Variants in TRAPPC9 observed in about 807,000 individuals in gnomAD.
TRAPPC9 encodes the protein IKK2 binding protein.
A neutral mutation model predicts 124.0 loss-of-function variants in TRAPPC9; 83 were observed. The ratio of observed to expected loss-of-function variants is 0.67; its 90% confidence interval spans 0.56 to 0.80. The LOEUF is 0.80. TRAPPC9 is among the 30% of genes least tolerant of loss of function. TRAPPC9 has a pLI of 0.00. For synonymous variants in TRAPPC9, 638 were observed against 617.5 expected, an observed-to-expected ratio of 1.03 and a Z score of -0.49; for missense variants, 1,302 against 1,508.3, an observed-to-expected ratio of 0.86 and a Z score of 2.27.
chr8:140,056,875 A>T (rs989217199), intron 17 of TRAPPC9, among the ~76,000 whole-genome samples: 1 of 152,224 alleles, frequency 6.6e-6, no homozygotes, highest in Admixed American at 6.5e-5. Context: ...GTGAAAAGGC[A>T]ACCTACAAAA....
At chr8:140,123,022 C>T (rs11777209) in intron 17 of TRAPPC9, among the ~76,000 whole-genome samples, 33,611 of 152,190 alleles carry the variant, frequency 0.22, 4,481 homozygotes, top group Admixed American at 0.32. Context: ...GAGCAAGATG[C>T]ACCCACACAG....
chr8:139,766,901 C>T (rs1194564121), intron 21 of TRAPPC9, among the ~76,000 whole-genome samples: 1 of 152,250 alleles, frequency 6.6e-6, no homozygotes, highest in Non-Finnish European at 1.5e-5. Flanking sequence ...GTCCCGCAGA[C>T]CTGTGGCTAC....
intron 5 of TRAPPC9, among the ~76,000 whole-genome samples, chr8:140,418,559 A>G (rs1305898597): frequency 6.6e-6 from 1 of 152,184 alleles, no homozygotes; most frequent in Non-Finnish European, 1.5e-5. Flanking sequence ...TGTCTCTACT[A>G]AAAATACAAA....
intron 1 of TRAPPC9, among the ~76,000 whole-genome samples, chr8:140,455,557 A>G (rs1014671319): frequency 6.6e-6 from 1 of 151,810 alleles, no homozygotes; most frequent in Non-Finnish European, 1.5e-5. Flanking sequence ...CAGCCTCCCA[A>G]GTAGCTGGGA....
intron 16 of TRAPPC9, among the ~76,000 whole-genome samples, chr8:140,234,028 G>A (rs1405680000): frequency 6.6e-6 from 1 of 152,148 alleles, no homozygotes; most frequent in Non-Finnish European, 1.5e-5. Context: ...TAAATTTAAA[G>A]TAATTAAAAT....
intron 21 of TRAPPC9, among the ~76,000 whole-genome samples, chr8:139,803,493 C>T (rs1823712243): frequency 6.6e-6 from 1 of 152,260 alleles, no homozygotes; most frequent in Non-Finnish European, 1.5e-5. Flanking sequence ...AGGGAAGCCT[C>T]AGGCCCAGCA....
chr8:139,786,016 G>T (rs984437328), intron 21 of TRAPPC9, among the ~76,000 whole-genome samples: 1 of 151,956 alleles, frequency 6.6e-6, no homozygotes, highest in African/African-American at 2.4e-5. Context: ...AGACCAGCCT[G>T]GCCAACATGG....
intron 21 of TRAPPC9, among the ~76,000 whole-genome samples, chr8:139,885,396 GAC>G (rs762840228): frequency 7.6e-4 from 115 of 152,300 alleles, no homozygotes; most frequent in Admixed American, 1.2e-3. Context: ...TTTCCACACA[GAC>G]AGCATGAAAA....
chr8:139,731,365 C>T, intron 22 of TRAPPC9, 137 bp from the exon 23 acceptor site: 5 of 971,236 alleles, frequency 5.1e-6, no homozygotes, highest in Admixed American at 2.0e-5. Flanking sequence ...TCCAGTGCCC[C>T]CTCCAGCAGG....
chr8:140,263,030 A>G (rs1200637968), intron 15 of TRAPPC9, among the ~76,000 whole-genome samples: 1 of 152,198 alleles, frequency 6.6e-6, no homozygotes, highest in African/African-American at 2.4e-5. Flanking sequence ...GTGGCAGAAC[A>G]TTCTGCACTC....
chr8:140,043,466 T>A (rs750817868), intron 17 of TRAPPC9, among the ~76,000 whole-genome samples: 1 of 152,214 alleles, frequency 6.6e-6, no homozygotes, highest in African/African-American at 2.4e-5. Flanking sequence ...TTGTTCTCCA[T>A]TCTTCCTGCT....
chr8:140,104,961 G>T lies in TRAPPC9; in HGVS notation c.2557-80882C>A, dbSNP rs954678632. On this transcript the variant is annotated intron_variant, in intron 17 of 22. Transcript: ENST00000438773. The surrounding 1 kb of genome is among the most constrained non-coding windows in gnomAD (Gnocchi z 4.0). Reference sequence around the variant, plus strand: ...TGTCATCCATGCTGCATCGTGGCAGGGTCCCACTCAGCAGCAGCCCTGACT... The same window carrying T: ...TGTCATCCATGCTGCATCGTGGCAGTGTCCCACTCAGCAGCAGCCCTGACT... Among the ~76,000 whole-genome samples, 1 of 152,164 alleles carries T rather than the reference G, an allele frequency of 6.6e-6. No individual in the cohort carries two copies. The highest frequency in any genetic ancestry group is 1.5e-5 in the Non-Finnish European group (1 of 68,040).
chr8:139,795,582 G>A (rs1241537716), intron 21 of TRAPPC9, among the ~76,000 whole-genome samples: 1 of 152,140 alleles, frequency 6.6e-6, no homozygotes, highest in African/African-American at 2.4e-5. Flanking sequence ...GCGGGGAGAA[G>A]TGAAGTCATC....
At chr8:139,935,396 T>C (rs1201726633) in intron 19 of TRAPPC9, among the ~76,000 whole-genome samples, 2 of 152,188 alleles carry the variant, frequency 1.3e-5, no homozygotes, top group South Asian at 2.1e-4. Context: ...AATTTCCTCA[T>C]CTATAAAATA....
At chr8:140,349,212 A>G (rs1487934306) in intron 9 of TRAPPC9, among the ~76,000 whole-genome samples, 1 of 91,378 alleles carries the variant, frequency 1.1e-5, no homozygotes, top group African/African-American at 4.3e-5. Context: ...GGGCGAGGGA[A>G]GGGCACAGAA....
chr8:139,924,832 C>A (rs1832712387), intron 19 of TRAPPC9, among the ~76,000 whole-genome samples: 1 of 152,242 alleles, frequency 6.6e-6, no homozygotes, highest in Non-Finnish European at 1.5e-5. Context: ...TTACATCTTA[C>A]TCATCTTTTA....
At position 140,009,875 on chromosome 8, in the gene TRAPPC9, G is replaced by A. The variant is rs113791732; in HGVS notation, c.2699+14062C>T. ...TCAACTTTACTCATTGCTGTCTTCAGTGCCTAGGACAGTGCTTCGCAGAAA... is the reference window on the plus strand; with the variant it reads ...TCAACTTTACTCATTGCTGTCTTCAATGCCTAGGACAGTGCTTCGCAGAAA... On this transcript the variant is annotated intron_variant, in intron 18 of 22. Coordinates refer to ENST00000438773, the MANE Select transcript of TRAPPC9 (RefSeq NM_001160372.4). Among the ~76,000 whole-genome samples the A allele has an allele frequency of 1.1e-3, 172 of 152,306 alleles. 3 individuals are homozygous for A. The highest frequency in any genetic ancestry group is 3.5e-3 in the African/African-American group (147 of 41,570).
At chr8:140,163,072 C>T (rs2061777456) in intron 17 of TRAPPC9, among the ~76,000 whole-genome samples, 2 of 152,250 alleles carry the variant, frequency 1.3e-5, no homozygotes, top group South Asian at 4.1e-4. Flanking sequence ...TTTTTAAAAA[C>T]ATAGTCCACA....
chr8:139,773,874 T>C (rs1586814548), intron 21 of TRAPPC9, among the ~76,000 whole-genome samples: 1 of 152,142 alleles, frequency 6.6e-6, no homozygotes, highest in East Asian at 1.9e-4. Context: ...ATAAATAACA[T>C]AGGAAGACAA....
Sources: gnomAD v4.1 joint callset for allele counts (sites outside exome capture counted in the v4.1 genomes callset) on GRCh38, gnomAD v4.1.1 for gene constraint, Gnocchi (gnomAD v3.1) non-coding constraint, MANE v1.5 for transcripts, NCBI Gene and HGNC (gene_info 2026-07-23, HGNC 2026-07-21) for gene names.